RTN4RL1: variants seen among roughly 807,000 people sequenced by gnomAD.
RTN4RL1 encodes reticulon-4 receptor-like 1.
RTN4RL1 carries 7 observed loss-of-function variants against 25.6 expected under a neutral mutation model. The ratio of observed to expected loss-of-function variants is 0.27; its 90% CI spans 0.16 to 0.51. The LOEUF is 0.51. Among genes scored for constraint, RTN4RL1 ranks in the 20% least tolerant of loss-of-function variants. RTN4RL1 has a pLI of 0.97. For missense variants in RTN4RL1, 500 were observed against 615.6 expected, an observed-to-expected ratio of 0.81 and a Z score of 1.99; for synonymous variants, 297 against 288.2, an observed-to-expected ratio of 1.03 and a Z score of -0.31.
At chr17:1,999,093 AT>A (rs2151321574) in intron 1 of RTN4RL1, among the ~76,000 whole-genome samples, 1 of 36,574 alleles carries the variant, frequency 2.7e-5, no homozygotes, top group Admixed American at 3.3e-4. Flanking sequence ...CACATGCGCG[AT>A]CACACACACA....
chr17:1,937,771 C>T lies in RTN4RL1; in HGVS notation c.51G>A (p.Ala17=), dbSNP rs769693409. 62 of 1,600,942 alleles carry T rather than the reference C, an allele frequency of 3.9e-5. No homozygotes were observed. In the African/African-American group the frequency reaches 4.9e-4, roughly 13 times the overall value. ...CVELLLLLVA[A]ELPLGGGCPR... ...GGCAGCCACCACCCAGGGGCAGCTC[C>T]GCAGCTACCAACAGCAGCAGCAACT... The change falls in exon 2 of 2, where the codon GCG becomes GCA. Residue 17 remains alanine, a synonymous_variant. Transcript: ENST00000331238.
In RTN4RL1 at chr17:1,936,846, G is replaced by C; in HGVS notation, c.976C>G (p.Arg326Gly). 6.3e-7 allele frequency: 1 copy of C among 1,586,736 alleles called. No homozygotes were observed. Among genetic ancestry groups the C allele is most frequent in the African/African-American group, 1.3e-5 (1 of 74,076 alleles). The change falls in exon 2 of 2, where the codon CGC (arginine) becomes GGC (glycine). Residue 326 changes from arginine (R) to glycine (G), a missense_variant. Around this residue, in one of 2 missense-constraint regions of RTN4RL1, gnomAD observed 268 missense variants for 274.5 expected, o/e 0.98. Coordinates refer to ENST00000331238, the MANE Select transcript of RTN4RL1 (RefSeq NM_178568.4). Reference sequence around the variant, plus strand: ...CCGTGGGGTGAGTGGTGTTCCTTGCGGGCGGCCCTGTCGGTGGTGGTGAGC... The same window carrying C: ...CCGTGGGGTGAGTGGTGTTCCTTGCCGGCGGCCCTGTCGGTGGTGGTGAGC... ...HTLTTTDRAA[R>G]KEHHSPHGPT... is the part of the protein sequence containing the mutation.
intron 1 of RTN4RL1, among the ~76,000 whole-genome samples, chr17:1,984,997 G>A (rs1334556462): frequency 6.6e-6 from 1 of 152,038 alleles, no homozygotes; most frequent in African/African-American, 2.4e-5. Flanking sequence ...AAAAATAGGA[G>A]AAATGGAACT....
chr17:1,938,674 G>A (rs1156483384), intron 1 of RTN4RL1, among the ~76,000 whole-genome samples: 4 of 151,930 alleles, frequency 2.6e-5, no homozygotes, highest in Non-Finnish European at 5.9e-5. Flanking sequence ...CTCAAATAAT[G>A]TCTCCTTTAC....
intron 1 of RTN4RL1, among the ~76,000 whole-genome samples, chr17:1,967,643 T>C (rs529037305): frequency 6.7e-6 from 1 of 149,604 alleles, no homozygotes; most frequent in South Asian, 2.1e-4. Context: ...CCAGTCTCTC[T>C]CTTTCTTTTT....
At chr17:2,021,580 A>G (rs2067203020) in intron 1 of RTN4RL1, among the ~76,000 whole-genome samples, 1 of 131,782 alleles carries the variant, frequency 7.6e-6, no homozygotes, top group African/African-American at 2.9e-5. Flanking sequence ...TTTGAGACAG[A>G]GTCTCGCATC....
intron 1 of RTN4RL1, among the ~76,000 whole-genome samples, chr17:1,976,956 C>G (rs527379029): frequency 6.6e-5 from 10 of 152,320 alleles, no homozygotes; most frequent in East Asian, 1.9e-4. Flanking sequence ...CAGTGCTTAG[C>G]TAGTGCCTGG....
chr17:1,962,466 TC>T (rs1237840271), intron 1 of RTN4RL1, among the ~76,000 whole-genome samples: 2 of 151,586 alleles, frequency 1.3e-5, no homozygotes, highest in Non-Finnish European at 2.9e-5. Flanking sequence ...CAAGTGATTC[TC>T]CCTGCCTCAG....
intron 1 of RTN4RL1, among the ~76,000 whole-genome samples, chr17:1,968,094 C>A (rs1242005395): frequency 6.6e-6 from 1 of 152,142 alleles, no homozygotes; most frequent in Non-Finnish European, 1.5e-5. Flanking sequence ...TCTCATTTTA[C>A]CCACAGCCCG....
At chr17:1,950,422 C>A (rs1236772372) in intron 1 of RTN4RL1, among the ~76,000 whole-genome samples, 3 of 152,106 alleles carry the variant, frequency 2.0e-5, no homozygotes, top group African/African-American at 7.2e-5. Flanking sequence ...GCAGCCAGGG[C>A]ACAGCTGAGG....
intron 1 of RTN4RL1, among the ~76,000 whole-genome samples, chr17:1,960,071 G>C (rs1000071616): frequency 6.6e-6 from 1 of 152,092 alleles, no homozygotes; most frequent in African/African-American, 2.4e-5. Context: ...GCTCAAGCTG[G>C]AAATGCAGGT....
At chr17:2,020,868 CG>C (rs1271469159) in intron 1 of RTN4RL1, among the ~76,000 whole-genome samples, 2 of 152,174 alleles carry the variant, frequency 1.3e-5, no homozygotes, top group African/African-American at 2.4e-5. Flanking sequence ...AGGAAAGCCA[CG>C]GGTCCCGACC....
chr17:1,967,997 CCT>C (rs967927571), intron 1 of RTN4RL1, among the ~76,000 whole-genome samples: 28 of 151,992 alleles, frequency 1.8e-4, no homozygotes, highest in Non-Finnish European at 3.4e-4. Context: ...GAAATCTCCC[CCT>C]CTCGGTTTCC....
chr17:2,023,429 T>G (rs2067235042), intron 1 of RTN4RL1, among the ~76,000 whole-genome samples: 1 of 152,022 alleles, frequency 6.6e-6, no homozygotes, highest in African/African-American at 2.4e-5. Flanking sequence ...AGCCGGCGTT[T>G]CCCCCTGAAC....
chr17:1,984,636 T>C (rs542336465), intron 1 of RTN4RL1, among the ~76,000 whole-genome samples: 3 of 152,320 alleles, frequency 2.0e-5, no homozygotes, highest in East Asian at 1.9e-4. Context: ...GCGACTTTCA[T>C]CTTCTGCAGG....
At chr17:1,970,584 C>T (rs1445283351) in intron 1 of RTN4RL1, among the ~76,000 whole-genome samples, 1 of 152,170 alleles carries the variant, frequency 6.6e-6, no homozygotes. Context: ...TGGAGACTGG[C>T]CACGACCCAG....
In RTN4RL1 at chr17:1,937,211, A is replaced by T; in HGVS notation, c.611T>A (p.Leu204Gln). The change falls in exon 2 of 2, where the codon CTG becomes CAG. Residue 204 changes from leucine to glutamine, a missense_variant. By Grantham distance (113) the Leu-to-Gln change is moderately radical. Around this residue, in one of 2 missense-constraint regions of RTN4RL1, gnomAD observed 232 missense variants for 341.1 expected, o/e 0.68. Coordinates refer to ENST00000331238, the MANE Select transcript of RTN4RL1 (RefSeq NM_178568.4). The part of the protein sequence containing the change: ...RGLVNLDRLL[L>Q]HENQLQWVHH... ...GACCCACTGCAGCTGGTTCTCGTGCAGCAAAAGACGGTCCAGGTTCACCAG... is the reference window on the plus strand; with the variant it reads ...GACCCACTGCAGCTGGTTCTCGTGCTGCAAAAGACGGTCCAGGTTCACCAG... The T allele has an allele frequency of 6.2e-7, 1 of 1,612,362 alleles. No homozygotes were observed. Among genetic ancestry groups the T allele is most frequent in the Non-Finnish European group, 8.5e-7 (1 of 1,179,800 alleles).
chr17:1,991,162 A>G (rs918478857), intron 1 of RTN4RL1, among the ~76,000 whole-genome samples: 1 of 152,176 alleles, frequency 6.6e-6, no homozygotes, highest in African/African-American at 2.4e-5. Context: ...TATAAGTGCA[A>G]TGGAGCTCAG....
intron 1 of RTN4RL1, chr17:2,023,796 TA>T (rs2067241236): frequency 6.6e-6 from 1 of 152,018 alleles, no homozygotes; most frequent in Non-Finnish European, 1.5e-5. Flanking sequence ...AGGGGCGGAT[TA>T]AGGCTGGAGC....
Sources: allele counts gnomAD v4.1 joint callset (sites outside exome capture counted in the v4.1 genomes callset), GRCh38; gene constraint gnomAD v4.1.1; regional missense constraint gnomAD v4.1.1; transcripts MANE v1.5; gene names NCBI Gene and HGNC (gene_info 2026-07-23, HGNC 2026-07-21).